Variants in BCAR3 observed in about 807,000 individuals in gnomAD.
The protein encoded by BCAR3 is breast cancer anti-estrogen resistance protein 3.
BCAR3 carries 37 observed loss-of-function variants against 80.1 expected under a neutral mutation model. The ratio of observed to expected loss-of-function variants is 0.46; its 90% CI spans 0.36 to 0.61. BCAR3 has a LOEUF of 0.61. Among genes scored for constraint, BCAR3 ranks in the 20% least tolerant of loss-of-function variants. The pLI, the probability that BCAR3 is intolerant of heterozygous loss-of-function variation, is 0.00. For synonymous variants in BCAR3, 389 were observed against 418.9 expected (o/e 0.93, Z 0.87); for missense variants, 978 against 1,068.2 (o/e 0.92, Z 1.18).
At chr1:93,736,710 C>T (rs1350882403) in intron 2 of BCAR3, among the ~76,000 whole-genome samples, 2 of 152,096 alleles carry the variant, frequency 1.3e-5, no homozygotes, top group Non-Finnish European at 2.9e-5. Context: ...GAGATGATGG[C>T]CTCGTCACTG....
rs758714430 is a variant in BCAR3, at chr1:93,582,675, T to C, written c.1312A>G (p.Thr438Ala). Residue 438 changes from threonine to alanine, a missense_variant, in exon 7 of 12, where the codon ACA becomes GCA. Thr to Ala is a moderately conservative substitution (Grantham distance 58). Transcript: ENST00000260502. ...NYCELNPAFA[T>A]GCGRGAKLPS... The stretch of plus-strand genomic sequence containing the variant: ...AGCTTTGCTCCCCTGCCGCAGCCTG[T>C]GGCAAACGCTGGGTTCAGTTCACAG... 7 of 1,613,942 alleles carry C rather than the reference T, an allele frequency of 4.3e-6. No homozygotes were observed. Among genetic ancestry groups the C allele is most frequent in the Non-Finnish European group, 5.1e-6 (6 of 1,180,018 alleles).
chr1:93,783,981 C>T (rs1406324937), intron 2 of BCAR3, among the ~76,000 whole-genome samples: 1 of 152,174 alleles, frequency 6.6e-6, no homozygotes, highest in African/African-American at 2.4e-5. Flanking sequence ...ACCCTTAGAA[C>T]TCATCCACCA....
intron 7 of BCAR3, among the ~76,000 whole-genome samples, chr1:93,581,800 A>C (rs1460230217): frequency 1.3e-5 from 2 of 152,280 alleles, no homozygotes; most frequent in Non-Finnish European, 2.9e-5. Context: ...GTAATAAAAT[A>C]AATATGTAAT....
At chr1:93,579,517 G>A (rs1424440803) in intron 7 of BCAR3, among the ~76,000 whole-genome samples, 1 of 152,084 alleles carries the variant, frequency 6.6e-6, no homozygotes, top group Non-Finnish European at 1.5e-5. Flanking sequence ...TGAGAGTGAG[G>A]CCCCACTAGG....
Position 93,592,326 on chromosome 1 carries a change from A to C in BCAR3, c.425T>G (p.Leu142Arg), listed in dbSNP as rs749394399. 1.2e-6 allele frequency: 2 copies of C among 1,610,224 alleles called. No homozygotes were observed. Among genetic ancestry groups the C allele is most frequent in the African/African-American group, 2.7e-5 (2 of 74,428 alleles). ...GCGCAGGTCCTCGCTGCTCAGGAGC[A>C]GCTCCTCCTCCAGCTCCTTCTTCAG... ...EKLKKELEEE[L>R]LLSSEDLRSH... Residue 142 changes from leucine (L) to arginine (R), a missense_variant, in exon 4 of 12, where the codon CTG becomes CGG. By Grantham distance (102) the Leu-to-Arg change is moderately radical. Coordinates refer to ENST00000260502, the MANE Select transcript of BCAR3 (RefSeq NM_003567.4). This position sits in a 1 kb window ranked among gnomAD's most constrained non-coding sequence, Gnocchi z 4.8.
chr1:93,609,416 C>T (rs1674883407), intron 3 of BCAR3, among the ~76,000 whole-genome samples: 1 of 152,100 alleles, frequency 6.6e-6, no homozygotes, highest in African/African-American at 2.4e-5. Context: ...TCTCTATCTG[C>T]GCTCTTTCAG....
intron 2 of BCAR3, among the ~76,000 whole-genome samples, chr1:93,756,036 G>C (rs542686976): frequency 5.3e-5 from 8 of 152,288 alleles, no homozygotes; most frequent in Admixed American, 5.2e-4. Context: ...AGTTTCATGG[G>C]CTTTGTGGCT....
intron 3 of BCAR3, among the ~76,000 whole-genome samples, chr1:93,697,017 TGTCTGAA>T (rs1197705430): frequency 6.6e-6 from 1 of 152,124 alleles, no homozygotes; most frequent in Non-Finnish European, 1.5e-5. Context: ...CCCACAAATG[TGTCTGAA>T]GCCAGCCCTC....
At chr1:93,752,745 A>T (rs189174053) in intron 2 of BCAR3, among the ~76,000 whole-genome samples, 2 of 152,316 alleles carry the variant, frequency 1.3e-5, no homozygotes, top group East Asian at 3.9e-4. Flanking sequence ...GGCTTGATCC[A>T]CACATGGCCA....
At chr1:93,626,638 G>C (rs964170688) in intron 3 of BCAR3, among the ~76,000 whole-genome samples, 4 of 152,184 alleles carry the variant, frequency 2.6e-5, no homozygotes, top group Non-Finnish European at 4.4e-5. Flanking sequence ...TCTACCAGGG[G>C]CCATTGCACT....
At chr1:93,636,940 TA>T (rs1000959591) in intron 3 of BCAR3, among the ~76,000 whole-genome samples, 2 of 150,520 alleles carry the variant, frequency 1.3e-5, no homozygotes, top group Non-Finnish European at 3.0e-5. Context: ...CTACAAAAAA[TA>T]AAAAAAAATT....
chr1:93,584,853 A>G, intron 5 of BCAR3: 1 of 472,242 alleles, frequency 2.1e-6, no homozygotes, highest in Non-Finnish European at 2.8e-6. Flanking sequence ...ACCAAGCACC[A>G]GAATCTCCCT....
intron 3 of BCAR3, among the ~76,000 whole-genome samples, chr1:93,698,628 C>A (rs932891588): frequency 6.6e-6 from 1 of 152,174 alleles, no homozygotes; most frequent in African/African-American, 2.4e-5. Flanking sequence ...ACCTAAACTC[C>A]AACAACCCAT....
chr1:93,843,555 G>A (rs1435195022), intron 2 of BCAR3, among the ~76,000 whole-genome samples: 1 of 152,184 alleles, frequency 6.6e-6, no homozygotes, highest in Non-Finnish European at 1.5e-5. Flanking sequence ...TGACTCCACA[G>A]GCTGTACTCT....
chr1:93,576,466 G>A (rs1195955640), intron 7 of BCAR3, among the ~76,000 whole-genome samples: 1 of 152,216 alleles, frequency 6.6e-6, no homozygotes, highest in Non-Finnish European at 1.5e-5. Flanking sequence ...CTGCTGCGAC[G>A]TTTTGCTGCC....
intron 2 of BCAR3, among the ~76,000 whole-genome samples, chr1:93,812,329 C>T (rs749688558): frequency 3.5e-4 from 53 of 152,118 alleles, no homozygotes; most frequent in Non-Finnish European, 6.6e-4. Context: ...GTTTTCCTAC[C>T]TCAAGTCTCC....
At chr1:93,675,904 C>T (rs1455798787) in intron 1 of BCAR3, among the ~76,000 whole-genome samples, 1 of 91,618 alleles carries the variant, frequency 1.1e-5, no homozygotes, top group East Asian at 3.2e-4. Flanking sequence ...GGCCAACACA[C>T]AGAGGAAAAG....
chr1:93,642,398 T>G, intron 2 of BCAR3, 55 bp from the exon 3 acceptor site: 1 of 1,493,392 alleles, frequency 6.7e-7, no homozygotes, highest in South Asian at 1.1e-5. Context: ...ATTCTTACAT[T>G]GAGTATAATG....
chr1:93,643,249 C>T lies in BCAR3; in HGVS notation c.318-906G>A, dbSNP rs576322407. On this transcript the variant is annotated intron_variant, in intron 2 of 11. Transcript: ENST00000260502. ...TCTCAAAAAAAAAAAAGAGGCCAGG[C>T]GTGGTGGCTCATGCTTGCAATCCCA... 9.0e-5 allele frequency among the ~76,000 whole-genome samples: 13 copies of T among 143,816 alleles called. No individual in the cohort carries two copies. In the South Asian group the frequency reaches 1.6e-3, roughly 17 times the overall value. The allele number at this position is 143,816 out of a possible 152,430, so 94.3% of individuals were successfully genotyped here. A position where few individuals can be genotyped will look rare whatever the true frequency, so the allele number is the denominator to read the frequency against.
Sources: allele counts gnomAD v4.1 joint callset (sites outside exome capture counted in the v4.1 genomes callset), GRCh38; gene constraint gnomAD v4.1.1; non-coding constraint Gnocchi (gnomAD v3.1); transcripts MANE v1.5; gene names NCBI Gene and HGNC (gene_info 2026-07-23, HGNC 2026-07-21).